Variants in ITPR1 observed in about 807,000 individuals in gnomAD.
ITPR1 encodes the protein inositol 1,4,5-trisphosphate receptor type 1.
In ITPR1, 96 loss-of-function variants were observed where a neutral mutation model predicts 318.4. That is an observed-to-expected ratio of 0.30 (90% CI 0.26 to 0.36). The LOEUF is 0.36. Among genes scored for constraint, ITPR1 ranks in the 10% least tolerant of loss-of-function variants. The pLI is 1.00. For synonymous variants in ITPR1, 1,312 were observed against 1,289.9 expected (o/e 1.02, Z -0.37); for missense variants, 2,440 against 3,460.2 (o/e 0.71, Z 7.40).
In ITPR1 at chr3:4,827,220, C is replaced by T. The variant is rs569020472; in HGVS notation, c.8028+8978C>T. On this transcript the variant is annotated intron_variant, in intron 60 of 61. Coordinates refer to ENST00000649015, the MANE Select transcript of ITPR1 (RefSeq NM_001378452.1). ...CCGACAGCACCACCACCGTGCTGCCCGGCTTGCCCTTTACTTCCAGACGTC... is the reference window on the plus strand; with the variant it reads ...CCGACAGCACCACCACCGTGCTGCCTGGCTTGCCCTTTACTTCCAGACGTC... Among the ~76,000 whole-genome samples, 6 of 152,322 alleles carry T rather than the reference C, an allele frequency of 3.9e-5. No individual in the cohort carries two copies. In the East Asian group the frequency reaches 5.8e-4, roughly 15 times the overall value.
intron 52 of ITPR1, among the ~76,000 whole-genome samples, chr3:4,793,927 G>T (rs999168275): frequency 6.6e-6 from 1 of 152,152 alleles, no homozygotes; most frequent in Non-Finnish European, 1.5e-5. Flanking sequence ...TTTTATTTTG[G>T]TTGGAAGCTC....
At position 4,538,020 on chromosome 3, in the gene ITPR1, A is replaced by G. The variant is rs2124967963; in HGVS notation, c.163+16926A>G. Among the ~76,000 whole-genome samples the G allele has an allele frequency of 1.3e-5, 2 of 152,272 alleles. 1 individual carries two copies. Among genetic ancestry groups the G allele is most frequent in the Admixed American group, 1.3e-4 (2 of 15,300 alleles). On this transcript the variant is annotated intron_variant, in intron 4 of 61. Coordinates refer to ENST00000649015, the MANE Select transcript of ITPR1 (RefSeq NM_001378452.1). The stretch of plus-strand genomic sequence containing the variant: ...CTACGATAGGTTGGTTTTGAAGTTC[A>G]TTAATGTTTGCCTTTGTTTTTATTT...
chr3:4,673,430 C>A (rs528380006), intron 21 of ITPR1, 43 bp downstream of exon 21: 6 of 1,548,926 alleles, frequency 3.9e-6, no homozygotes, highest in Non-Finnish European at 5.3e-6. Flanking sequence ...TTATTCTGTG[C>A]GGCAGTAGAT....
At chr3:4,628,571 A>T (rs2092915058) in intron 5 of ITPR1, among the ~76,000 whole-genome samples, 1 of 152,228 alleles carries the variant, frequency 6.6e-6, no homozygotes, top group African/African-American at 2.4e-5. Context: ...ACGTATAGCC[A>T]GTGTACTAAC....
chr3:4,572,666 T>A (rs764668711), intron 4 of ITPR1, among the ~76,000 whole-genome samples: 1 of 152,218 alleles, frequency 6.6e-6, no homozygotes, highest in African/African-American at 2.4e-5. Context: ...CATATTCACA[T>A]TGCTGGGAGA....
chr3:4,646,422 C>G (rs1308556963), intron 10 of ITPR1, among the ~76,000 whole-genome samples: 1 of 152,096 alleles, frequency 6.6e-6, no homozygotes, highest in African/African-American at 2.4e-5. Context: ...GAGAATGGTG[C>G]AGAATGTGGA....
At chr3:4,754,246 C>G (rs138054146) in intron 44 of ITPR1, among the ~76,000 whole-genome samples, 1 of 152,114 alleles carries the variant, frequency 6.6e-6, no homozygotes, top group Non-Finnish European at 1.5e-5. Context: ...TGCTTCAGCC[C>G]TCGCTCTCCA....
At chr3:4,756,261 GATGTTTA>G (rs1463495163) in intron 44 of ITPR1, among the ~76,000 whole-genome samples, 4 of 152,178 alleles carry the variant, frequency 2.6e-5, no homozygotes, top group African/African-American at 7.2e-5. Flanking sequence ...CGGAAGCAAC[GATGTTTA>G]TCTCTGCACG....
intron 36 of ITPR1, among the ~76,000 whole-genome samples, chr3:4,705,432 T>C (rs952417320): frequency 4.6e-5 from 7 of 152,176 alleles, no homozygotes; most frequent in Admixed American, 6.6e-5. Context: ...TCACCACTTT[T>C]CCCACTGCTG....
At chr3:4,570,595 A>G (rs919757738) in intron 4 of ITPR1, among the ~76,000 whole-genome samples, 1 of 152,218 alleles carries the variant, frequency 6.6e-6, no homozygotes, top group African/African-American at 2.4e-5. Flanking sequence ...TATTTTGCTT[A>G]TTTATATATT....
Position 4,643,262 on chromosome 3 carries a change from G to A in ITPR1, c.526-874G>A, listed in dbSNP as rs139189372. Among the ~76,000 whole-genome samples, 500 of 152,290 alleles carry A rather than the reference G, an allele frequency of 3.3e-3. 4 individuals are homozygous for A. Among genetic ancestry groups the A allele is most frequent in the African/African-American group, 0.011 (465 of 41,558 alleles). ...AGTTAGAGAAAATTCAATTGTATATGCTCCTCAAATGTGATAAGCTTGAAA... is the reference window on the plus strand; with the variant it reads ...AGTTAGAGAAAATTCAATTGTATATACTCCTCAAATGTGATAAGCTTGAAA... On this transcript the variant is annotated intron_variant, in intron 7 of 61. Coordinates refer to ENST00000649015, the MANE Select transcript of ITPR1 (RefSeq NM_001378452.1).
At chr3:4,817,949 C>A in intron 59 of ITPR1, 133 bp from the exon 60 acceptor site, 1 of 650,442 alleles carries the variant, frequency 1.5e-6, no homozygotes, top group Non-Finnish European at 2.5e-6. Flanking sequence ...ACTTATAAGG[C>A]CGACAGAATC....
rs1440367027 is a variant in ITPR1, at chr3:4,727,076, T to C, written c.5173-50T>C. 4.3e-6 allele frequency: 6 copies of C among 1,385,816 alleles called. No individual in the cohort carries two copies. In the South Asian group the frequency reaches 6.9e-5, roughly 16 times the overall value. 85.8% of individuals were successfully genotyped at this position (1,385,816 alleles called of 1,614,324 possible). A position where few individuals can be genotyped will look rare whatever the true frequency, so the allele number is the denominator to read the frequency against. ...TATATGTGACTGATGCTGCAGATGG[T>C]AGTGTCTCCTTAGTGTTGTATTAAA... On this transcript the variant is annotated intron_variant, in intron 41 of 61. Coordinates refer to ENST00000649015, the MANE Select transcript of ITPR1 (RefSeq NM_001378452.1).
intron 60 of ITPR1, among the ~76,000 whole-genome samples, chr3:4,823,332 T>G (rs1354895890): frequency 1.3e-5 from 2 of 152,126 alleles, no homozygotes; most frequent in African/African-American, 2.4e-5. Context: ...TGAGCAGCAT[T>G]AAGAAGGAAG....
In ITPR1 at chr3:4,507,289, G is replaced by GA. The variant is rs147629309; in HGVS notation, c.-16-9184dup. ...GAAAATAATGCCCCAATGTTATTGTGAAATAGTTTTGACCTTGAAGTTTCC... is the reference window on the plus strand; with the variant it reads ...GAAAATAATGCCCCAATGTTATTGTGAAAATAGTTTTGACCTTGAAGTTTCC... On this transcript the variant is annotated intron_variant, in intron 2 of 61. Transcript: ENST00000649015. 8.5e-3 allele frequency among the ~76,000 whole-genome samples: 1,295 copies of GA among 152,238 alleles called. 15 individuals are homozygous for GA. Among genetic ancestry groups the GA allele is most frequent in the African/African-American group, 0.03 (1,228 of 41,528 alleles).
intron 2 of ITPR1, among the ~76,000 whole-genome samples, chr3:4,514,326 A>G (rs1171943265): frequency 6.6e-6 from 1 of 152,232 alleles, no homozygotes; most frequent in African/African-American, 2.4e-5. Context: ...GCCAGCTATT[A>G]TTATCAGAAA....
Position 4,806,245 on chromosome 3 carries a change from A to G in ITPR1, c.7250A>G (p.His2417Arg), listed in dbSNP as rs1250950938. 6 of 1,613,914 alleles carry G rather than the reference A, an allele frequency of 3.7e-6. No individual in the cohort carries two copies. Among genetic ancestry groups the G allele is most frequent in the Non-Finnish European group, 5.1e-6 (6 of 1,179,886 alleles). Residue 2417 changes from histidine to arginine, a missense_variant, in exon 55 of 62, where the codon CAT becomes CGT. By Grantham distance (29) the His-to-Arg change is conservative. Around this residue, in one of 23 missense-constraint regions of ITPR1, gnomAD observed 126 missense variants for 150.8 expected, o/e 0.84. Transcript: ENST00000649015. ...LVICAMGLFV[H>R]EFFYSLLLFD... ...ATCTGTGCCATGGGGCTCTTTGTCC[A>G]TGAATTCTTCTACAGTCTGCTGGTG...
chr3:4,793,640 G>A (rs536548278), intron 52 of ITPR1, among the ~76,000 whole-genome samples: 2 of 152,296 alleles, frequency 1.3e-5, no homozygotes, highest in African/African-American at 4.8e-5. Context: ...GTGGTTGACT[G>A]GGTCCTGGCT....
intron 4 of ITPR1, among the ~76,000 whole-genome samples, chr3:4,618,453 A>G (rs556432882): frequency 6.6e-6 from 1 of 152,226 alleles, no homozygotes; most frequent in East Asian, 1.9e-4. Flanking sequence ...CCATCCTCCC[A>G]CTAGAGTTAT....
Sources: gnomAD v4.1 joint callset for allele counts (sites outside exome capture counted in the v4.1 genomes callset) on GRCh38, gnomAD v4.1.1 for gene constraint, gnomAD v4.1.1 regional missense constraint, MANE v1.5 for transcripts, NCBI Gene and HGNC (gene_info 2026-07-23, HGNC 2026-07-21) for gene names.